The following COL4A6 variants were observed in gnomAD, a reference collection of about 807,000 sequenced individuals.
The protein encoded by COL4A6 is collagen alpha-6(IV) chain.
In COL4A6, 59 loss-of-function variants were observed where a neutral mutation model predicts 126.7. The observed-to-expected ratio is 0.47, with a 90% CI of 0.38 to 0.58. COL4A6 has a LOEUF of 0.58. COL4A6 is among the 20% of genes least tolerant of loss of function. The pLI is 0.00. For missense variants in COL4A6, 1,285 were observed against 1,337.3 expected, an observed-to-expected ratio of 0.96 and a Z score of 0.61; for synonymous variants, 547 against 496.6, an observed-to-expected ratio of 1.10 and a Z score of -1.35.
At chrX:108,163,870 C>T (rs1393398011) in intron 40 of COL4A6, among the ~76,000 whole-genome samples, 1 of 112,190 alleles carries the variant, frequency 8.9e-6, no homozygotes, top group East Asian at 2.8e-4. Context: ...GTAGAAGTAG[C>T]ATGTGCAAAG....
rs1043325866 is a variant in COL4A6 at position 108,174,995 on chromosome X, G to A, written c.2956+95C>T. 4.8e-6 allele frequency: 5 copies of A among 1,041,490 alleles called. No homozygotes were observed. In the African/African-American group the frequency reaches 9.7e-5, roughly 20 times the overall value. The allele number at this position is 1,041,490 out of a possible 1,213,427, so 85.8% of individuals were successfully genotyped here. A position where few individuals can be genotyped will look rare whatever the true frequency, so the allele number is the denominator to read the frequency against. On this transcript the variant is annotated intron_variant, in intron 30 of 44. Coordinates refer to ENST00000334504, the MANE Select transcript of COL4A6 (RefSeq NM_033641.4). ...CTGCTGCTCTGAGGTTGGCGATGGG[G>A]GGCTGTACTTGAGGGCCTTTGCTCA...
chrX:108,339,070 T>C (rs975291255), intron 2 of COL4A6, among the ~76,000 whole-genome samples: 1 of 112,020 alleles, frequency 8.9e-6, no homozygotes. Flanking sequence ...ATCAGATCTT[T>C]TAATCAGTAC....
intron 2 of COL4A6, among the ~76,000 whole-genome samples, chrX:108,425,019 C>A (rs1280838794): frequency 1.8e-5 from 2 of 110,375 alleles, no homozygotes; most frequent in African/African-American, 6.6e-5. Context: ...CTCAAAAAAC[C>A]CATAAGTAAA....
chrX:108,198,314 A>G lies in COL4A6; in HGVS notation c.835-1735T>C, dbSNP rs138934811. ...TGTTCAGGAACCATCTTGTGCCCCC[A>G]TCTATCTTGCCCTCAGTTGTAAATA... On this transcript the variant is annotated intron_variant, in intron 13 of 44. Transcript: ENST00000334504. Among the ~76,000 whole-genome samples the G allele has an allele frequency of 1.8e-4, 20 of 111,427 alleles. 1 individual carries two copies. The East Asian group carries it at 5.1e-3, about 28-fold the overall frequency.
At chrX:108,206,788 A>T in intron 8 of COL4A6, 1 of 519,771 alleles carries the variant, frequency 1.9e-6, no homozygotes, top group African/African-American at 2.2e-5. Context: ...AATAAGAAGT[A>T]GCAAACTACT....
chrX:108,290,514 TC>T (rs2038132420), intron 3 of COL4A6, among the ~76,000 whole-genome samples: 1 of 112,392 alleles, frequency 8.9e-6, no homozygotes. Flanking sequence ...GTTTAATGAG[TC>T]CTTTGTAGAA....
intron 2 of COL4A6, among the ~76,000 whole-genome samples, chrX:108,326,418 T>C: frequency 8.9e-6 from 1 of 112,261 alleles, no homozygotes; most frequent in Non-Finnish European, 1.9e-5. Context: ...CTTTATGATA[T>C]CAATTTTCCC....
At chrX:108,282,383 AAC>A (rs2037864315) in intron 3 of COL4A6, among the ~76,000 whole-genome samples, 1 of 110,550 alleles carries the variant, frequency 9.0e-6, no homozygotes, top group African/African-American at 3.3e-5. Flanking sequence ...GCAGCCAAAA[AAC>A]ACATGAAAAA....
chrX:108,225,407 A>G (rs2036141226), intron 3 of COL4A6, among the ~76,000 whole-genome samples: 1 of 112,958 alleles, frequency 8.9e-6, no homozygotes, highest in African/African-American at 3.2e-5. Context: ...TATTTTGGCA[A>G]ATAGACCCAG....
chrX:108,417,679 C>T (rs1261249658), intron 2 of COL4A6, among the ~76,000 whole-genome samples: 1 of 111,810 alleles, frequency 8.9e-6, no homozygotes, highest in Non-Finnish European at 1.9e-5. Context: ...TTAATTAAGA[C>T]AAATATATAG....
intron 27 of COL4A6, among the ~76,000 whole-genome samples, chrX:108,177,458 C>G (rs1211322162): frequency 9.0e-6 from 1 of 111,544 alleles, no homozygotes; most frequent in African/African-American, 3.3e-5. Context: ...TTCAGCCTCC[C>G]AGGGAGCCTT....
chrX:108,381,465 A>T (rs2040557234), intron 2 of COL4A6, among the ~76,000 whole-genome samples: 1 of 112,145 alleles, frequency 8.9e-6, no homozygotes, highest in African/African-American at 3.2e-5. Flanking sequence ...ACATTTTTTT[A>T]AAAAAAGAAG....
intron 2 of COL4A6, among the ~76,000 whole-genome samples, chrX:108,427,292 T>C (rs1422005394): frequency 8.9e-6 from 1 of 111,818 alleles, no homozygotes; most frequent in African/African-American, 3.3e-5. Flanking sequence ...GTGCTTGACA[T>C]AGTCCTTCCC....
intron 2 of COL4A6, among the ~76,000 whole-genome samples, chrX:108,360,022 G>A (rs767549430): frequency 6.3e-5 from 7 of 111,870 alleles, no homozygotes; most frequent in Admixed American, 1.9e-4. Flanking sequence ...ACCAACAGCT[G>A]TGTTGATCAT....
chrX:108,299,767 G>A (rs1468603748), intron 3 of COL4A6, among the ~76,000 whole-genome samples: 7 of 111,915 alleles, frequency 6.3e-5, no homozygotes, highest in Non-Finnish European at 1.1e-4. Flanking sequence ...ATAAGGCTGA[G>A]GATAAAAGGT....
chrX:108,180,232 C>T (rs894369471), intron 25 of COL4A6, among the ~76,000 whole-genome samples: 4 of 111,591 alleles, frequency 3.6e-5, no homozygotes, highest in Middle Eastern at 4.2e-3. Context: ...TTAGTGATCT[C>T]GGACAAGTCA....
chrX:108,435,834 A>T (rs1232076879), intron 2 of COL4A6, among the ~76,000 whole-genome samples: 1 of 111,958 alleles, frequency 8.9e-6, no homozygotes, highest in East Asian at 2.8e-4. Flanking sequence ...GCAAAACACA[A>T]CATAGTTCCT....
rs778764545 is a variant in COL4A6 at position 108,165,044 on chromosome X, G to A, written c.3809-6C>T. 7.5e-6 allele frequency: 9 copies of A among 1,200,362 alleles called. No homozygotes were observed. In the South Asian group the frequency reaches 1.3e-4, roughly 17 times the overall value. On this transcript the variant is annotated splice_region_variant and splice_polypyrimidine_tract_variant and intron_variant, in intron 38 of 44. Coordinates refer to ENST00000334504, the MANE Select transcript of COL4A6 (RefSeq NM_033641.4). ...TCCAGCGGGGCCTGGGCGGCCTAGG[G>A]ATAAGATCGGAAGAGGGGCGAGGGG... is the stretch of plus-strand genomic sequence containing the variant.
At position 108,165,016 on chromosome X, in the gene COL4A6, G is replaced by C. The variant is rs1038702288; in HGVS notation, c.3831C>G (p.Pro1277=). Residue 1277 remains proline, a synonymous_variant, in exon 39 of 45, where the codon CCC becomes CCG. Coordinates refer to ENST00000334504, the MANE Select transcript of COL4A6 (RefSeq NM_033641.4). ...GERGRPGPAG[P]PGPPGPSSNQ... Reference sequence around the variant, plus strand: ...TCGAGGATGGCCCAGGGGGACCTGGGGGTCCAGCGGGGCCTGGGCGGCCTA... The same window carrying C: ...TCGAGGATGGCCCAGGGGGACCTGGCGGTCCAGCGGGGCCTGGGCGGCCTA... 1.7e-6 allele frequency: 2 copies of C among 1,205,941 alleles called. No individual in the cohort carries two copies. Among genetic ancestry groups the C allele is most frequent in the African/African-American group, 3.5e-5 (2 of 56,592 alleles).
Sources: gnomAD v4.1 joint callset for allele counts (sites outside exome capture counted in the v4.1 genomes callset) on GRCh38, gnomAD v4.1.1 for gene constraint, MANE v1.5 for transcripts, NCBI Gene and HGNC (gene_info 2026-07-23, HGNC 2026-07-21) for gene names.